ANGPT1: variants seen among roughly 807,000 people sequenced by gnomAD.
The protein encoded by ANGPT1 is angiopoietin 1.
In ANGPT1, 17 loss-of-function variants were observed where a neutral mutation model predicts 62.2. That is an observed-to-expected ratio of 0.27 (90% CI 0.19 to 0.41). The LOEUF (loss-of-function observed/expected upper bound fraction) is 0.41. Among genes scored for constraint, ANGPT1 ranks in the 10% least tolerant of loss-of-function variants. The pLI is 1.00. For synonymous variants in ANGPT1, 199 were observed against 198.9 expected (o/e 1.00, Z 0.00); for missense variants, 478 against 594.9 (o/e 0.80, Z 2.04).
chr8:107,434,946 T>G (rs1811294316), intron 1 of ANGPT1, among the ~76,000 whole-genome samples: 1 of 152,178 alleles, frequency 6.6e-6, no homozygotes, highest in Non-Finnish European at 1.5e-5. Context: ...TAGTGAAGTG[T>G]GAATGAAAGA....
intron 1 of ANGPT1, among the ~76,000 whole-genome samples, chr8:107,466,770 G>C (rs755875824): frequency 6.6e-6 from 1 of 151,920 alleles, no homozygotes; most frequent in South Asian, 2.1e-4. Context: ...AACCTAGCTC[G>C]GTGTGGTGGC....
Position 107,277,668 on chromosome 8 carries a change from G to T in ANGPT1, c.1205+7014C>A, listed in dbSNP as rs866499393. On this transcript the variant is annotated intron_variant, in intron 7 of 8. Transcript: ENST00000517746. Reference sequence around the variant, plus strand: ...ATAATGGAACAAATTAATCTTTTGTGCCTTTGGATGTGATAGAATGGGAAA... The same window carrying T: ...ATAATGGAACAAATTAATCTTTTGTTCCTTTGGATGTGATAGAATGGGAAA... 5.3e-5 allele frequency among the ~76,000 whole-genome samples: 8 copies of T among 152,280 alleles called. No individual in the cohort carries two copies. In the Middle Eastern group the frequency reaches 0.027, roughly 518 times the overall value.
At chr8:107,276,905 T>C (rs1387457401) in intron 7 of ANGPT1, among the ~76,000 whole-genome samples, 1 of 152,208 alleles carries the variant, frequency 6.6e-6, no homozygotes, top group Non-Finnish European at 1.5e-5. Context: ...TTCTTCACAA[T>C]TTTGGTTTAA....
At chr8:107,477,149 T>G (rs1044863315) in intron 1 of ANGPT1, among the ~76,000 whole-genome samples, 3 of 152,132 alleles carry the variant, frequency 2.0e-5, no homozygotes, top group Non-Finnish European at 2.9e-5. Flanking sequence ...ACCTGTAAAA[T>G]TCCATTCCCT....
At chr8:107,471,518 A>G (rs1039550965) in intron 1 of ANGPT1, among the ~76,000 whole-genome samples, 8 of 152,136 alleles carry the variant, frequency 5.3e-5, no homozygotes, top group African/African-American at 1.9e-4. Context: ...ACAAACCTGC[A>G]CGTTCTGCAC....
intron 2 of ANGPT1, among the ~76,000 whole-genome samples, chr8:107,337,607 C>T (rs1481866943): frequency 6.6e-6 from 1 of 152,164 alleles, no homozygotes; most frequent in Non-Finnish European, 1.5e-5. Context: ...AAAAGCTCCT[C>T]ACATTATTTG....
At chr8:107,480,098 T>C (rs1320870250) in intron 1 of ANGPT1, among the ~76,000 whole-genome samples, 3 of 152,160 alleles carry the variant, frequency 2.0e-5, no homozygotes, top group Non-Finnish European at 4.4e-5. Context: ...TACATTGTTT[T>C]TCAATGCCTG....
At chr8:107,257,579 G>A (rs1185719144) in intron 8 of ANGPT1, among the ~76,000 whole-genome samples, 2 of 152,046 alleles carry the variant, frequency 1.3e-5, no homozygotes, top group Non-Finnish European at 2.9e-5. Flanking sequence ...TCTTTTGTTC[G>A]TTTTCAATGC....
intron 1 of ANGPT1, among the ~76,000 whole-genome samples, chr8:107,416,904 G>T (rs577170371): frequency 6.7e-6 from 1 of 150,274 alleles, no homozygotes; most frequent in African/African-American, 2.5e-5. Context: ...CAATTCTCCC[G>T]CCTCAGGTTC....
intron 1 of ANGPT1, among the ~76,000 whole-genome samples, chr8:107,417,796 G>A (rs941416410): frequency 6.6e-6 from 1 of 152,146 alleles, no homozygotes; most frequent in African/African-American, 2.4e-5. Context: ...GTGAATTTTA[G>A]TCAGTTTGTT....
At chr8:107,412,417 A>C (rs1260036684) in intron 1 of ANGPT1, among the ~76,000 whole-genome samples, 3 of 152,254 alleles carry the variant, frequency 2.0e-5, no homozygotes, top group East Asian at 3.9e-4. Flanking sequence ...ATAAAGGGAT[A>C]ATGGATTCAG....
At chr8:107,344,497 T>C (rs1815762022) in intron 2 of ANGPT1, among the ~76,000 whole-genome samples, 1 of 152,218 alleles carries the variant, frequency 6.6e-6, no homozygotes, top group African/African-American at 2.4e-5. Context: ...CTGGTATCTT[T>C]CCTGATCATG....
chr8:107,388,096 A>C (rs1563599780), intron 1 of ANGPT1, among the ~76,000 whole-genome samples: 1 of 152,150 alleles, frequency 6.6e-6, no homozygotes, highest in African/African-American at 2.4e-5. Context: ...ACTAATTCAT[A>C]TTTTCACAAC....
Position 107,298,323 on chromosome 8 carries a change from C to T in ANGPT1, c.937-4286G>A, listed in dbSNP as rs574042780. 5.5e-4 allele frequency among the ~76,000 whole-genome samples: 83 copies of T among 151,864 alleles called. 1 individual carries two copies. In the South Asian group the frequency reaches 0.011, roughly 20 times the overall value. On this transcript the variant is annotated intron_variant, in intron 5 of 8. Coordinates refer to ENST00000517746, the MANE Select transcript of ANGPT1 (RefSeq NM_001146.5). ...ACTTTTCCAAGAATTAGGGGAATTA[C>T]GAGTTCAGAATCAAATTTTTAATAT...
intron 1 of ANGPT1, among the ~76,000 whole-genome samples, chr8:107,348,425 C>A (rs867049784): frequency 9.9e-5 from 15 of 152,170 alleles, no homozygotes; most frequent in Middle Eastern, 3.4e-3. Context: ...CCCATGCTAA[C>A]AAAAATGGTT....
intron 7 of ANGPT1, among the ~76,000 whole-genome samples, chr8:107,268,558 G>GA (rs1286726083): frequency 6.6e-6 from 1 of 151,026 alleles, no homozygotes; most frequent in Admixed American, 6.6e-5. Context: ...TAGAATAAAG[G>GA]AAAAAAAGGC....
intron 5 of ANGPT1, among the ~76,000 whole-genome samples, chr8:107,298,153 G>T (rs1012458049): frequency 6.6e-6 from 1 of 151,794 alleles, no homozygotes; most frequent in Non-Finnish European, 1.5e-5. Context: ...ATAATACGGA[G>T]GCTTAAACCC....
intron 1 of ANGPT1, among the ~76,000 whole-genome samples, chr8:107,400,621 G>A (rs1017454921): frequency 2.7e-5 from 4 of 148,626 alleles, no homozygotes; most frequent in East Asian, 2.0e-4. Flanking sequence ...GTGCATTGTC[G>A]TGATCTCGGC....
intron 1 of ANGPT1, among the ~76,000 whole-genome samples, chr8:107,350,458 G>C (rs527454754): frequency 2.0e-4 from 30 of 152,208 alleles, no homozygotes; most frequent in African/African-American, 6.7e-4. Flanking sequence ...CTCAGCATAG[G>C]TGGCTACATC....
Sources: gnomAD v4.1 joint callset for allele counts (sites outside exome capture counted in the v4.1 genomes callset) on GRCh38, gnomAD v4.1.1 for gene constraint, MANE v1.5 for transcripts, NCBI Gene and HGNC (gene_info 2026-07-23, HGNC 2026-07-21) for gene names.